The following ATF6 variants were observed in gnomAD, a reference collection of about 807,000 sequenced individuals.
ATF6 encodes the protein cyclic AMP-dependent transcription factor ATF-6 alpha.
In ATF6, 53 loss-of-function variants were observed where a neutral mutation model predicts 83.6. The observed-to-expected ratio is 0.63, with a 90% confidence interval of 0.51 to 0.80. The LOEUF is 0.80. ATF6 is among the 30% of genes least tolerant of loss of function. The probability of loss-of-function intolerance (pLI) is 0.00; values close to 1 mark genes in which losing one functional copy is unlikely to be tolerated. For missense variants in ATF6, 744 were observed against 797.9 expected, an observed-to-expected ratio of 0.93 and a Z score of 0.81; for synonymous variants, 288 against 285.8, an observed-to-expected ratio of 1.01 and a Z score of -0.08.
chr1:161,927,029 G>C (rs181956490), intron 15 of ATF6, among the ~76,000 whole-genome samples: 1 of 152,182 alleles, frequency 6.6e-6, no homozygotes, highest in East Asian at 1.9e-4. Context: ...ACTATGCCAA[G>C]TAATGTACAG....
intron 15 of ATF6, among the ~76,000 whole-genome samples, chr1:161,955,953 GCCATT>G (rs1225193521): frequency 6.6e-6 from 1 of 152,102 alleles, no homozygotes; most frequent in African/African-American, 2.4e-5. Flanking sequence ...AGATGACAAT[GCCATT>G]CCAACCATGG....
At chr1:161,779,247 A>G (rs1011464648) in intron 2 of ATF6, among the ~76,000 whole-genome samples, 13 of 152,354 alleles carry the variant, frequency 8.5e-5, no homozygotes, top group African/African-American at 3.1e-4. Flanking sequence ...CTCATATTTC[A>G]TAACATCTAG....
intron 9 of ATF6, among the ~76,000 whole-genome samples, chr1:161,841,372 T>G (rs1263553345): frequency 7.2e-5 from 11 of 152,234 alleles, no homozygotes. Context: ...TTTAAATGTT[T>G]TTTTAGCTGA....
chr1:161,859,675 A>G (rs1285539164), intron 12 of ATF6, among the ~76,000 whole-genome samples: 2 of 152,170 alleles, frequency 1.3e-5, no homozygotes, highest in Non-Finnish European at 2.9e-5. Flanking sequence ...ACAGGTTTCC[A>G]GTGTAGCATA....
intron 6 of ATF6, among the ~76,000 whole-genome samples, chr1:161,801,818 T>G (rs1685154974): frequency 6.6e-6 from 1 of 152,156 alleles, no homozygotes; most frequent in Non-Finnish European, 1.5e-5. Flanking sequence ...AGAAAGTATA[T>G]TAAAGTATAT....
At chr1:161,888,440 C>T (rs1489745809) in intron 14 of ATF6, among the ~76,000 whole-genome samples, 1 of 152,068 alleles carries the variant, frequency 6.6e-6, no homozygotes, top group Admixed American at 6.5e-5. Context: ...ATAGCCTTAT[C>T]TAAATTCCCC....
rs1452278674 is a variant in ATF6, at chr1:161,849,072, G to A, written c.1319+2492G>A. On this transcript the variant is annotated intron_variant, in intron 10 of 15. Transcript: ENST00000367942. ...TTGGACTTTTCTCATGGACTACAGT[G>A]TTTGTATTTTTCTAAGTATGCAGGC... Among the ~76,000 whole-genome samples the A allele has an allele frequency of 2.0e-5, 3 of 152,074 alleles. No homozygotes were observed. The East Asian group carries it at 5.8e-4, about 29-fold the overall frequency.
intron 6 of ATF6, among the ~76,000 whole-genome samples, chr1:161,800,721 G>A (rs1322825478): frequency 6.6e-6 from 1 of 152,194 alleles, no homozygotes; most frequent in Non-Finnish European, 1.5e-5. Flanking sequence ...TCTATTTTAT[G>A]TCTTCAGGTG....
chr1:161,853,123 G>A, intron 11 of ATF6, 101 bp from the exon 12 acceptor site: 1 of 828,940 alleles, frequency 1.2e-6, no homozygotes, highest in Non-Finnish European at 1.9e-6. Flanking sequence ...ATGCTCTTTG[G>A]AACCTACAAA....
chr1:161,957,208 G>A (rs1407931673), intron 15 of ATF6, among the ~76,000 whole-genome samples: 5 of 151,754 alleles, frequency 3.3e-5, no homozygotes, highest in African/African-American at 4.8e-5. Flanking sequence ...AGAATTCTAC[G>A]TTTAAATTCA....
chr1:161,879,557 G>A (rs1687283253), intron 14 of ATF6, among the ~76,000 whole-genome samples: 1 of 151,986 alleles, frequency 6.6e-6, no homozygotes, highest in African/African-American at 2.4e-5. Flanking sequence ...ATCTTGGAGG[G>A]GCTGTCCTAT....
At chr1:161,799,000 G>A (rs1182172607) in intron 6 of ATF6, among the ~76,000 whole-genome samples, 4 of 152,200 alleles carry the variant, frequency 2.6e-5, no homozygotes, top group African/African-American at 9.7e-5. Flanking sequence ...TTGCTGGTGG[G>A]AATGTAAATT....
intron 15 of ATF6, among the ~76,000 whole-genome samples, chr1:161,939,328 A>G (rs1354691797): frequency 6.6e-6 from 1 of 152,116 alleles, no homozygotes; most frequent in East Asian, 1.9e-4. Context: ...CTTTTTTTAT[A>G]TATGTATTTT....
chr1:161,842,770 GATAATT>G (rs1224211601), intron 9 of ATF6, among the ~76,000 whole-genome samples: 1 of 152,112 alleles, frequency 6.6e-6, no homozygotes, highest in Non-Finnish European at 1.5e-5. Context: ...TTTAAAAAAA[GATAATT>G]ATTAATCCAG....
chr1:161,924,490 C>T (rs114015046), intron 15 of ATF6, among the ~76,000 whole-genome samples: 1,621 of 152,282 alleles, frequency 0.011, 10 homozygotes, highest in Non-Finnish European at 0.018. Flanking sequence ...AGCATTCTTG[C>T]TTTGGGGATC....
At chr1:161,890,167 T>G (rs144729694) in intron 14 of ATF6, among the ~76,000 whole-genome samples, 12 of 152,352 alleles carry the variant, frequency 7.9e-5, no homozygotes, top group African/African-American at 2.9e-4. Context: ...TCAGGTAATT[T>G]GACCTTGATC....
At chr1:161,797,555 C>T (rs906217136) in intron 6 of ATF6, among the ~76,000 whole-genome samples, 1 of 152,138 alleles carries the variant, frequency 6.6e-6, no homozygotes, top group Non-Finnish European at 1.5e-5. Context: ...ATCAAGAATG[C>T]AGTCTCATTC....
intron 1 of ATF6, among the ~76,000 whole-genome samples, chr1:161,768,273 A>G (rs4657100): frequency 0.15 from 22,350 of 152,170 alleles, 2,228 homozygotes; most frequent in East Asian, 0.31. Flanking sequence ...AATGTTCTCT[A>G]ACAGAGCATT....
At chr1:161,943,583 A>G (rs1337493859) in intron 15 of ATF6, among the ~76,000 whole-genome samples, 2 of 151,924 alleles carry the variant, frequency 1.3e-5, no homozygotes, top group African/African-American at 4.8e-5. Context: ...CACACTGGTC[A>G]CCTTACTATT....
Sources: gnomAD v4.1 joint callset for allele counts (sites outside exome capture counted in the v4.1 genomes callset) on GRCh38, gnomAD v4.1.1 for gene constraint, MANE v1.5 for transcripts, NCBI Gene and HGNC (gene_info 2026-07-23, HGNC 2026-07-21) for gene names.